The following ANO3 variants were observed in gnomAD, a reference collection of about 807,000 sequenced individuals.
ANO3 encodes the protein anoctamin 3.
A neutral mutation model predicts 144.8 loss-of-function variants in ANO3; 99 were observed. That is an observed-to-expected ratio of 0.68 (90% confidence interval 0.58 to 0.81). The LOEUF is 0.81. Ranked by LOEUF, ANO3 falls within the 30% of genes least tolerant of loss-of-function variation. The pLI is 0.00. For synonymous variants in ANO3, 414 were observed against 392.6 expected (o/e 1.05, Z -0.64); for missense variants, 905 against 1,202.2 (o/e 0.75, Z 3.66).
intron 17 of ANO3, among the ~76,000 whole-genome samples, chr11:26,620,355 A>G (rs1320307548): frequency 6.6e-6 from 1 of 152,188 alleles, no homozygotes; most frequent in Non-Finnish European, 1.5e-5. Context: ...GAAACATCAG[A>G]ACAGAAGTAC....
Position 26,585,008 on chromosome 11 carries a change from T to C in ANO3, c.1448-13357T>C, listed in dbSNP as rs530088608. 2.5e-4 allele frequency among the ~76,000 whole-genome samples: 38 copies of C among 152,328 alleles called. No homozygotes were observed. In the South Asian group the frequency reaches 7.7e-3, roughly 31 times the overall value. ...TTTATTGTCTTCAGCTTTTCTGGAA[T>C]ATCCCTTTCACCTCCATGAGTCATG... On this transcript the variant is annotated intron_variant, in intron 14 of 26. Transcript: ENST00000256737.
chr11:26,318,733 A>G (rs559584737), intron 1 of ANO3, among the ~76,000 whole-genome samples: 134 of 152,180 alleles, frequency 8.8e-4, no homozygotes, highest in Non-Finnish European at 1.7e-3. Flanking sequence ...CAAAAAGAGG[A>G]AACAAAAGGA....
intron 1 of ANO3, chr11:26,287,556 A>C (rs964616398): frequency 3.9e-5 from 6 of 152,192 alleles, no homozygotes; most frequent in Admixed American, 6.5e-5. Flanking sequence ...TATCCTGTTA[A>C]TGTTCATAAC....
rs1303921613 is a variant in ANO3, at chr11:26,456,294, A to G, written c.314-6736A>G. Among the ~76,000 whole-genome samples the G allele has an allele frequency of 2.6e-5, 4 of 152,180 alleles. 1 individual carries two copies. Among genetic ancestry groups the G allele is most frequent in the South Asian group, 4.1e-4 (2 of 4,828 alleles). On this transcript the variant is annotated intron_variant, in intron 3 of 26. Transcript: ENST00000256737. ...CCATCAGAGTGAACAGGCAACCTAC[A>G]AAATGGGACAAAATTTTCACAACCT...
chr11:26,506,647 G>T (rs182010544), intron 4 of ANO3, among the ~76,000 whole-genome samples: 188 of 152,260 alleles, frequency 1.2e-3, no homozygotes, highest in Non-Finnish European at 1.6e-3. Context: ...TTGAAGAAAA[G>T]ACTGTGTAAA....
At chr11:26,543,211 G>A (rs1849690012) in intron 11 of ANO3, among the ~76,000 whole-genome samples, 1 of 152,008 alleles carries the variant, frequency 6.6e-6, no homozygotes, top group Non-Finnish European at 1.5e-5. Flanking sequence ...GACAGCCACG[G>A]CCAAACCATG....
At chr11:26,314,733 A>C (rs535288451) in intron 1 of ANO3, among the ~76,000 whole-genome samples, 1 of 152,256 alleles carries the variant, frequency 6.6e-6, no homozygotes, top group Non-Finnish European at 1.5e-5. Flanking sequence ...GGCTCAGGAA[A>C]CATAATAAAT....
At chr11:26,602,402 G>A (rs576403915) in intron 17 of ANO3, among the ~76,000 whole-genome samples, 22 of 152,094 alleles carry the variant, frequency 1.4e-4, no homozygotes, top group African/African-American at 5.1e-4. Flanking sequence ...CATCTTATCA[G>A]ATACATTTAT....
At chr11:26,650,813 A>C (rs930222579) in intron 24 of ANO3, among the ~76,000 whole-genome samples, 4 of 152,190 alleles carry the variant, frequency 2.6e-5, no homozygotes, top group African/African-American at 4.8e-5. Context: ...AAAAATACTC[A>C]TGTGATCGTT....
At chr11:26,522,690 C>T (rs1395154255) in intron 6 of ANO3, among the ~76,000 whole-genome samples, 1 of 152,042 alleles carries the variant, frequency 6.6e-6, no homozygotes, top group African/African-American at 2.4e-5. Flanking sequence ...TGTTTGCTTC[C>T]TGGATCAAAG....
intron 4 of ANO3, among the ~76,000 whole-genome samples, chr11:26,467,964 T>C (rs1859658600): frequency 6.6e-6 from 1 of 151,888 alleles, no homozygotes; most frequent in Non-Finnish European, 1.5e-5. Flanking sequence ...CTTTTTAAGA[T>C]GGTTTGGGTA....
chr11:26,279,422 A>G (rs10834942), intron 1 of ANO3, among the ~76,000 whole-genome samples: 32,301 of 152,128 alleles, frequency 0.21, 4,142 homozygotes, highest in African/African-American at 0.36. Flanking sequence ...ATAATTGTAA[A>G]GAACTTTGCA....
chr11:26,455,709 T>C (rs1056606788), intron 3 of ANO3, among the ~76,000 whole-genome samples: 2 of 141,670 alleles, frequency 1.4e-5, no homozygotes, highest in Non-Finnish European at 3.1e-5. Flanking sequence ...CTTCACAGAA[T>C]TGGAAAAAAA....
chr11:26,190,942 C>T (rs1354608345), intron 1 of ANO3, among the ~76,000 whole-genome samples: 4 of 152,128 alleles, frequency 2.6e-5, no homozygotes, highest in African/African-American at 4.8e-5. Context: ...TTATTGCAGT[C>T]GCATTTATGT....
intron 4 of ANO3, among the ~76,000 whole-genome samples, chr11:26,506,733 A>G (rs1861448379): frequency 6.6e-6 from 1 of 152,190 alleles, no homozygotes; most frequent in African/African-American, 2.4e-5. Flanking sequence ...CTGCAGAACT[A>G]CAGCCAACTA....
chr11:26,367,685 A>G (rs551070721), intron 1 of ANO3, among the ~76,000 whole-genome samples: 4 of 152,286 alleles, frequency 2.6e-5, no homozygotes, highest in African/African-American at 9.6e-5. Flanking sequence ...TTTAAAGAAA[A>G]GAGGTTTAAT....
rs1564952548 is a variant in ANO3 at position 26,293,537 on chromosome 11, A to ATATATATATATC, written c.155-16097_155-16096insCTATATATATAT. 1.0e-4 allele frequency among the ~76,000 whole-genome samples: 6 copies of ATATATATATATC among 58,774 alleles called. 1 individual carries two copies. In the East Asian group the frequency reaches 3.4e-3, roughly 33 times the overall value. 38.6% of individuals were successfully genotyped at this position (58,774 alleles called of 152,430 possible). On this transcript the variant is annotated intron_variant, in intron 1 of 27. Coordinates refer to the ANO3 transcript ENST00000672621. Reference sequence around the variant, plus strand: ...GAGTGGGTCTATAAATTCCATGTATATATATATATATATATATATATATAT... The same window carrying ATATATATATATC: ...GAGTGGGTCTATAAATTCCATGTATATATATATATATCTATATATATATATATATATATATAT...
At position 26,513,746 on chromosome 11, in the gene ANO3, G is replaced by A. The variant is rs184291812; in HGVS notation, c.592-3081G>A. Among the ~76,000 whole-genome samples, 410 of 152,184 alleles carry A rather than the reference G, an allele frequency of 2.7e-3. 1 individual carries two copies. The highest frequency in any genetic ancestry group is 9.3e-3 in the African/African-American group (388 of 41,518). ...TTTCAAATCCTGCAGGGAACCATTAGGAAGAATACAAATGATCAGTGTGTT... is the reference window on the plus strand; with the variant it reads ...TTTCAAATCCTGCAGGGAACCATTAAGAAGAATACAAATGATCAGTGTGTT... On this transcript the variant is annotated intron_variant, in intron 5 of 26. Coordinates refer to ENST00000256737, the MANE Select transcript of ANO3 (RefSeq NM_031418.4).
intron 4 of ANO3, among the ~76,000 whole-genome samples, chr11:26,478,419 A>C (rs1860069331): frequency 6.6e-6 from 1 of 151,174 alleles, no homozygotes. Flanking sequence ...TATATGGTGG[A>C]TTTTTCCTGT....
Sources: gnomAD v4.1 joint callset for allele counts (sites outside exome capture counted in the v4.1 genomes callset) on GRCh38, gnomAD v4.1.1 for gene constraint, MANE v1.5 for transcripts, NCBI Gene and HGNC (gene_info 2026-07-23, HGNC 2026-07-21) for gene names.